CDH13: variants seen among roughly 807,000 people sequenced by gnomAD.
The protein encoded by CDH13 is cadherin-13.
A neutral mutation model predicts 63.8 loss-of-function variants in CDH13; 24 were observed. The ratio of observed to expected loss-of-function variants is 0.38; its 90% confidence interval spans 0.27 to 0.53. The LOEUF is 0.53. Among genes scored for constraint, CDH13 ranks in the 20% least tolerant of loss-of-function variants. CDH13 has a pLI of 0.85. For synonymous variants in CDH13, 503 were observed against 355.3 expected (o/e 1.42, Z -4.67); for missense variants, 1,049 against 903.1 (o/e 1.16, Z -2.07).
intron 5 of CDH13, among the ~76,000 whole-genome samples, chr16:83,246,140 A>G (rs891714905): frequency 3.3e-5 from 5 of 152,200 alleles, no homozygotes; most frequent in Admixed American, 3.3e-4. Context: ...TATTAATTAT[A>G]TATTTGGACT....
intron 7 of CDH13, among the ~76,000 whole-genome samples, chr16:83,565,200 A>G (rs1465617603): frequency 2.0e-5 from 3 of 151,926 alleles, no homozygotes; most frequent in Middle Eastern, 3.2e-3. Context: ...ATCTCGCCCA[A>G]GGCTTACTTC....
Position 83,181,302 on chromosome 16 carries a change from C to T in CDH13, c.484-36043C>T, listed in dbSNP as rs78735361. On this transcript the variant is annotated intron_variant, in intron 4 of 13. Transcript: ENST00000567109. The stretch of plus-strand genomic sequence containing the variant: ...AGGGGAGTTTGTTCACAGAATCAAG[C>T]GAATTCCCATCCTCACCCTCACATT... 1.9e-3 allele frequency among the ~76,000 whole-genome samples: 289 copies of T among 152,270 alleles called. 2 individuals are homozygous for T. In the East Asian group the frequency reaches 0.029, roughly 15 times the overall value.
At chr16:82,835,406 G>T (rs2038724393) in intron 1 of CDH13, among the ~76,000 whole-genome samples, 1 of 152,132 alleles carries the variant, frequency 6.6e-6, no homozygotes, top group African/African-American at 2.4e-5. Flanking sequence ...AAACTCCAAA[G>T]CTACCCCAAT....
chr16:83,526,540 A>G (rs1218382334), intron 7 of CDH13, among the ~76,000 whole-genome samples: 1 of 152,176 alleles, frequency 6.6e-6, no homozygotes, highest in Non-Finnish European at 1.5e-5. Context: ...TGCTGATCTG[A>G]CAGGATACCG....
intron 4 of CDH13, among the ~76,000 whole-genome samples, chr16:83,172,016 C>T (rs532142132): frequency 5.9e-5 from 9 of 152,196 alleles, no homozygotes; most frequent in African/African-American, 1.7e-4. Flanking sequence ...TACCAAAATT[C>T]GTATGTTGAA....
chr16:83,182,317 CTG>C (rs1008717439), intron 4 of CDH13, among the ~76,000 whole-genome samples: 3 of 152,286 alleles, frequency 2.0e-5, no homozygotes, highest in South Asian at 2.1e-4. Flanking sequence ...AGGCCATAAA[CTG>C]TGTATTGTTG....
At chr16:82,899,174 G>T (rs1297679159) in intron 2 of CDH13, among the ~76,000 whole-genome samples, 1 of 152,212 alleles carries the variant, frequency 6.6e-6, no homozygotes, top group Non-Finnish European at 1.5e-5. Context: ...CACATTAGCT[G>T]AGTGTGTGGG....
intron 2 of CDH13, among the ~76,000 whole-genome samples, chr16:82,931,779 T>C (rs140403189): frequency 0.013 from 1,957 of 152,176 alleles, 34 homozygotes; most frequent in African/African-American, 0.034. Context: ...ATGAGACTTA[T>C]TTACTACCAA....
At chr16:83,700,414 T>A (rs1231821607) in intron 10 of CDH13, among the ~76,000 whole-genome samples, 2 of 152,148 alleles carry the variant, frequency 1.3e-5, no homozygotes, top group Non-Finnish European at 2.9e-5. Context: ...AAATAGCCAT[T>A]TTTCTCCCGA....
intron 2 of CDH13, among the ~76,000 whole-genome samples, chr16:83,021,261 C>T (rs1425241373): frequency 6.6e-6 from 1 of 152,192 alleles, no homozygotes; most frequent in Non-Finnish European, 1.5e-5. Context: ...GCTATTTATT[C>T]ATTCAACAAA....
chr16:83,206,812 G>A (rs925083256), intron 4 of CDH13, among the ~76,000 whole-genome samples: 3 of 152,190 alleles, frequency 2.0e-5, no homozygotes, highest in South Asian at 2.1e-4. Context: ...CCAATCAAGA[G>A]ACCAAGGACA....
chr16:83,368,278 C>G (rs977343073), intron 6 of CDH13, among the ~76,000 whole-genome samples: 1 of 152,166 alleles, frequency 6.6e-6, no homozygotes, highest in Non-Finnish European at 1.5e-5. Context: ...TACATGTGCA[C>G]AAGTCAAATA....
rs377408736 is a variant in CDH13, at chr16:83,692,986, G to C, written c.1538+14525G>C. Among the ~76,000 whole-genome samples, 16 of 152,346 alleles carry C rather than the reference G, an allele frequency of 1.1e-4. No homozygotes were observed. The East Asian group carries it at 2.9e-3, about 28-fold the overall frequency. On this transcript the variant is annotated intron_variant, in intron 10 of 13. Transcript: ENST00000567109. ...TAATCCCAGCTACTCAGGAGGCTGA[G>C]GCAAGAGAATCACTTGAACCTGGGA...
At chr16:83,068,643 T>C (rs943426008) in intron 3 of CDH13, among the ~76,000 whole-genome samples, 2 of 152,178 alleles carry the variant, frequency 1.3e-5, no homozygotes, top group South Asian at 4.1e-4. Flanking sequence ...CTGGCCTCCA[T>C]GGTCTTCATC....
At chr16:83,787,099 C>G (rs929375377) in intron 13 of CDH13, among the ~76,000 whole-genome samples, 1 of 152,182 alleles carries the variant, frequency 6.6e-6, no homozygotes, top group African/African-American at 2.4e-5. Context: ...ATGACACATA[C>G]AGTTCTATTT....
intron 4 of CDH13, among the ~76,000 whole-genome samples, chr16:83,184,988 T>C (rs558069318): frequency 6.6e-6 from 1 of 152,192 alleles, no homozygotes; most frequent in African/African-American, 2.4e-5. Flanking sequence ...TGTACATGTG[T>C]GGTGTGTGGG....
At chr16:83,405,663 G>C (rs924182858) in intron 6 of CDH13, among the ~76,000 whole-genome samples, 4 of 152,204 alleles carry the variant, frequency 2.6e-5, no homozygotes, top group Non-Finnish European at 4.4e-5. Context: ...GCCGTAGGAA[G>C]GTAATATTTT....
chr16:83,302,142 G>T (rs1318172384), intron 5 of CDH13, among the ~76,000 whole-genome samples: 1 of 152,182 alleles, frequency 6.6e-6, no homozygotes, highest in Non-Finnish European at 1.5e-5. Flanking sequence ...AGTTCTCAGT[G>T]TAGAGTAAGC....
chr16:83,702,342 T>C (rs1906366201), intron 10 of CDH13, among the ~76,000 whole-genome samples: 1 of 152,174 alleles, frequency 6.6e-6, no homozygotes, highest in South Asian at 2.1e-4. Context: ...CTCACTCCTA[T>C]TACAGTCGAA....
Sources: allele counts gnomAD v4.1 joint callset (sites outside exome capture counted in the v4.1 genomes callset), GRCh38; gene constraint gnomAD v4.1.1; transcripts MANE v1.5; gene names NCBI Gene and HGNC (gene_info 2026-07-23, HGNC 2026-07-21).